SEC24A: variants seen among roughly 807,000 people sequenced by gnomAD.
SEC24A encodes protein transport protein Sec24A.
A neutral mutation model predicts 129.4 loss-of-function variants in SEC24A; 93 were observed. That is an observed-to-expected ratio of 0.72 (90% CI 0.61 to 0.85). The LOEUF is 0.85. Ranked by LOEUF, SEC24A falls within the 40% of genes least tolerant of loss-of-function variation. SEC24A has a pLI of 0.00. For synonymous variants in SEC24A, 460 were observed against 467.3 expected (o/e 0.98, Z 0.20); for missense variants, 1,264 against 1,307.4 (o/e 0.97, Z 0.51).
chr5:134,671,202 G>A (rs1750846069), intron 3 of SEC24A, among the ~76,000 whole-genome samples: 1 of 151,838 alleles, frequency 6.6e-6, no homozygotes, highest in African/African-American at 2.4e-5. Context: ...CTGATTACAG[G>A]CACGCGCCAC....
chr5:134,716,881 C>CTT (rs766433633), intron 19 of SEC24A, among the ~76,000 whole-genome samples: 3 of 131,814 alleles, frequency 2.3e-5, no homozygotes, highest in Admixed American at 7.7e-5. Context: ...AACTTTTTTA[C>CTT]TTTTTTTTTT....
intron 15 of SEC24A, among the ~76,000 whole-genome samples, chr5:134,701,466 A>C (rs574658208): frequency 1.3e-5 from 2 of 150,040 alleles, no homozygotes; most frequent in African/African-American, 4.9e-5. Context: ...TATGTACCTT[A>C]TTTTGCATAA....
intron 17 of SEC24A, among the ~76,000 whole-genome samples, chr5:134,706,773 C>T (rs536269916): frequency 6.6e-6 from 1 of 152,262 alleles, no homozygotes; most frequent in South Asian, 2.1e-4. Flanking sequence ...TCACTGCAAC[C>T]TCTGACCCCA....
In SEC24A at chr5:134,696,136, G is replaced by C. The variant is rs367731211; in HGVS notation, c.1987-990G>C. ...ACAAAAAACATTAGCTGGGCATGGT[G>C]GTGCATGCCTGTAATCCCAGCTACT... On this transcript the variant is annotated intron_variant, in intron 13 of 22. Coordinates refer to ENST00000398844, the MANE Select transcript of SEC24A (RefSeq NM_021982.3). Among the ~76,000 whole-genome samples, 73 of 151,576 alleles carry C rather than the reference G, an allele frequency of 4.8e-4. 2 individuals are homozygous for C. In the South Asian group the frequency reaches 0.015, roughly 31 times the overall value.
chr5:134,722,264 G>C (rs1752647679), intron 21 of SEC24A, among the ~76,000 whole-genome samples: 1 of 152,084 alleles, frequency 6.6e-6, no homozygotes, highest in Admixed American at 6.6e-5. Context: ...GCCGAGGCTG[G>C]CGAATCACCT....
chr5:134,671,146 G>A (rs1196917101), intron 3 of SEC24A, among the ~76,000 whole-genome samples: 1 of 152,058 alleles, frequency 6.6e-6, no homozygotes, highest in African/African-American at 2.4e-5. Context: ...TCAGGTTCAA[G>A]GAATTCCCTG....
intron 11 of SEC24A, among the ~76,000 whole-genome samples, chr5:134,691,265 T>G (rs1268266161): frequency 2.0e-5 from 3 of 148,992 alleles, no homozygotes; most frequent in African/African-American, 7.4e-5. Flanking sequence ...CTCTGCCTCC[T>G]GGGTTCAAGC....
chr5:134,696,102 A>G (rs1278319347), intron 13 of SEC24A, among the ~76,000 whole-genome samples: 3 of 151,574 alleles, frequency 2.0e-5, no homozygotes, highest in Non-Finnish European at 4.4e-5. Flanking sequence ...TCCCGTCTCT[A>G]CTAAAAATAC....
At chr5:134,704,194 C>T (rs771490029) in intron 16 of SEC24A, among the ~76,000 whole-genome samples, 22 of 152,120 alleles carry the variant, frequency 1.4e-4, no homozygotes, top group African/African-American at 2.4e-4. Context: ...CTCAGCCACC[C>T]GAGTAATTGG....
At chr5:134,690,045 T>G (rs1751587853) in intron 11 of SEC24A, among the ~76,000 whole-genome samples, 1 of 151,710 alleles carries the variant, frequency 6.6e-6, no homozygotes, top group African/African-American at 2.4e-5. Flanking sequence ...TGAGATGGAG[T>G]TTCACTTTTG....
intron 11 of SEC24A, among the ~76,000 whole-genome samples, chr5:134,690,437 T>C (rs1401257168): frequency 6.6e-6 from 1 of 151,832 alleles, no homozygotes; most frequent in Non-Finnish European, 1.5e-5. Context: ...CCTCGGCTTT[T>C]CAAGTAGCTG....
intron 5 of SEC24A, 126 bp from the exon 6 acceptor site, chr5:134,674,919 T>C: frequency 8.7e-7 from 1 of 1,145,670 alleles, no homozygotes; most frequent in East Asian, 2.6e-5. Flanking sequence ...TTTGTCTTTA[T>C]ACATTTTTCC....
intron 1 of SEC24A, among the ~76,000 whole-genome samples, chr5:134,659,623 G>T (rs1374407484): frequency 6.7e-6 from 1 of 150,102 alleles, no homozygotes; most frequent in Non-Finnish European, 1.5e-5. Context: ...CTTCCTGCCA[G>T]TTGGCCTTAT....
rs753674710 is a variant in SEC24A at position 134,703,711 on chromosome 5, C to A, written c.2267-48C>A. Reference sequence around the variant, plus strand: ...AGTAACTAGGATAAAATGTAAATATCAGTATGTAGGTATATAAAAATAATT... The same window carrying A: ...AGTAACTAGGATAAAATGTAAATATAAGTATGTAGGTATATAAAAATAATT... On this transcript the variant is annotated intron_variant, in intron 15 of 22. Coordinates refer to ENST00000398844, the MANE Select transcript of SEC24A (RefSeq NM_021982.3). The A allele has an allele frequency of 3.7e-5, 44 of 1,196,926 alleles. 1 individual carries two copies. Among genetic ancestry groups the A allele is most frequent in the South Asian group, 3.4e-4 (26 of 75,968 alleles). The allele number at this position is 1,196,926 out of a possible 1,614,324, so 74.1% of individuals were successfully genotyped here.
chr5:134,720,367 A>C (rs536429790), intron 20 of SEC24A, among the ~76,000 whole-genome samples: 1 of 152,292 alleles, frequency 6.6e-6, no homozygotes, highest in Admixed American at 6.5e-5. Flanking sequence ...CTATACCATT[A>C]AGGCTTGTGT....
chr5:134,700,995 G>A (rs1257328660), intron 15 of SEC24A, among the ~76,000 whole-genome samples: 1 of 152,060 alleles, frequency 6.6e-6, no homozygotes, highest in African/African-American at 2.4e-5. Flanking sequence ...TGGGATTACA[G>A]GCGTGAGCCA....
intron 18 of SEC24A, among the ~76,000 whole-genome samples, chr5:134,714,460 G>A (rs751253100): frequency 1.2e-4 from 18 of 152,186 alleles, no homozygotes; most frequent in East Asian, 1.9e-4. Context: ...TGTGAACTGC[G>A]CATGCGAGAG....
chr5:134,677,440 T>C (rs1269462223), intron 7 of SEC24A, among the ~76,000 whole-genome samples: 1 of 151,518 alleles, frequency 6.6e-6, no homozygotes, highest in Non-Finnish European at 1.5e-5. Context: ...ATTTTTTTGG[T>C]GGTGATATAA....
In SEC24A at chr5:134,723,578, A is replaced by G; in HGVS notation, c.3075A>G (p.Pro1025=). ...ASIPQPMTDL[P]ELDTPESARI... is the part of the protein sequence containing the mutation. ...GTTTTGGTTAACAGACAGACCTTCC[A>G]GAACTTGATACACCAGAATCTGCCA... The change falls in exon 22 of 23, where the codon CCA becomes CCG. Residue 1025 remains proline (P), a synonymous_variant. Transcript: ENST00000398844. 1 of 1,610,958 alleles carries G rather than the reference A, an allele frequency of 6.2e-7. No homozygotes were observed. Among genetic ancestry groups the G allele is most frequent in the Non-Finnish European group, 8.5e-7 (1 of 1,177,288 alleles).
Sources: allele counts gnomAD v4.1 joint callset (sites outside exome capture counted in the v4.1 genomes callset), GRCh38; gene constraint gnomAD v4.1.1; transcripts MANE v1.5; gene names NCBI Gene and HGNC (gene_info 2026-07-23, HGNC 2026-07-21).